UBE2E2: variants seen among roughly 807,000 people sequenced by gnomAD.
UBE2E2 encodes ubiquitin conjugating enzyme E2 E2, also known as ubiquitin-conjugating enzyme E2 E2.
A neutral mutation model predicts 24.7 loss-of-function variants in UBE2E2; 6 were observed. The ratio of observed to expected loss-of-function variants is 0.24; its 90% CI spans 0.13 to 0.48. The LOEUF (loss-of-function observed/expected upper bound fraction) is 0.48. UBE2E2 is among the 20% of genes least tolerant of loss of function. The probability of loss-of-function intolerance (pLI) is 0.99; values close to 1 mark genes in which losing one functional copy is unlikely to be tolerated. For synonymous variants in UBE2E2, 104 were observed against 83.6 expected (o/e 1.24, Z -1.33); for missense variants, 169 against 245.0 (o/e 0.69, Z 2.07).
intron 4 of UBE2E2, among the ~76,000 whole-genome samples, chr3:23,521,628 A>G (rs1694870065): frequency 6.6e-6 from 1 of 152,234 alleles, no homozygotes; most frequent in South Asian, 2.1e-4. Context: ...CTCTAGGACA[A>G]GCTCATCCAA....
At chr3:23,345,093 A>G (rs1695512307) in intron 3 of UBE2E2, among the ~76,000 whole-genome samples, 1 of 152,212 alleles carries the variant, frequency 6.6e-6, no homozygotes, top group South Asian at 2.1e-4. Context: ...ACTTATTTGC[A>G]CATTTCTAGT....
chr3:23,400,920 T>C (rs924932865), intron 3 of UBE2E2, among the ~76,000 whole-genome samples: 1 of 152,166 alleles, frequency 6.6e-6, no homozygotes, highest in Non-Finnish European at 1.5e-5. Context: ...AGTTTATGTT[T>C]GAGTTTGAAG....
intron 3 of UBE2E2, among the ~76,000 whole-genome samples, chr3:23,486,873 G>A (rs987439451): frequency 6.6e-6 from 1 of 152,242 alleles, no homozygotes; most frequent in Non-Finnish European, 1.5e-5. Context: ...CTCACTCTAA[G>A]TTGCAGACTC....
At position 23,310,409 on chromosome 3, in the gene UBE2E2, T is replaced by C. The variant is rs999849344; in HGVS notation, c.227+93097T>C. On this transcript the variant is annotated intron_variant, in intron 3 of 5. Coordinates refer to ENST00000396703, the MANE Select transcript of UBE2E2 (RefSeq NM_152653.4). ...TATAATCAGACTGACTAAACACATC[T>C]CCAAACCTTCTAATTTCTTGTTCGT... is the stretch of plus-strand genomic sequence containing the variant. 2.0e-5 allele frequency among the ~76,000 whole-genome samples: 3 copies of C among 151,806 alleles called. No individual in the cohort carries two copies. In the East Asian group the frequency reaches 5.8e-4, roughly 29 times the overall value.
chr3:23,410,803 G>T (rs1697479346), intron 3 of UBE2E2, among the ~76,000 whole-genome samples: 1 of 152,098 alleles, frequency 6.6e-6, no homozygotes, highest in Non-Finnish European at 1.5e-5. Flanking sequence ...AAGTTAACAA[G>T]CAATTCTGTC....
chr3:23,509,960 C>G (rs1298231736), intron 4 of UBE2E2, among the ~76,000 whole-genome samples: 1 of 152,096 alleles, frequency 6.6e-6, no homozygotes, highest in Non-Finnish European at 1.5e-5. Context: ...GCCACATTTT[C>G]TTAATCCAAT....
intron 5 of UBE2E2, among the ~76,000 whole-genome samples, chr3:23,582,794 C>T (rs1043010928): frequency 4.0e-5 from 6 of 150,728 alleles, no homozygotes; most frequent in Middle Eastern, 3.4e-3. Flanking sequence ...GGATATTAGA[C>T]GTTTGTTAGA....
Position 23,549,055 on chromosome 3 carries a change from C to T in UBE2E2, c.508+16354C>T, listed in dbSNP as rs181708258. Among the ~76,000 whole-genome samples the T allele has an allele frequency of 3.9e-3, 596 of 152,342 alleles. 3 individuals are homozygous for T. The highest frequency in any genetic ancestry group is 0.013 in the African/African-American group (541 of 41,588). ...TACCTACCTTCTTAATAAATGGCCT[C>T]TTTCCCCAGCTAAACTGTTTCTTTT... On this transcript the variant is annotated intron_variant, in intron 5 of 5. Coordinates refer to ENST00000396703, the MANE Select transcript of UBE2E2 (RefSeq NM_152653.4).
At chr3:23,209,780 T>C (rs1269536352) in intron 2 of UBE2E2, among the ~76,000 whole-genome samples, 1 of 152,132 alleles carries the variant, frequency 6.6e-6, no homozygotes, top group Admixed American at 6.6e-5. Context: ...GCTTAGTCAG[T>C]CTACAGGGTT....
chr3:23,393,004 T>G (rs1456027978), intron 3 of UBE2E2, among the ~76,000 whole-genome samples: 1 of 152,104 alleles, frequency 6.6e-6, no homozygotes, highest in East Asian at 1.9e-4. Context: ...GGAGGCCAAA[T>G]CTTACAGAGC....
intron 5 of UBE2E2, among the ~76,000 whole-genome samples, chr3:23,577,798 G>C (rs1238915630): frequency 6.6e-6 from 1 of 152,180 alleles, no homozygotes; most frequent in African/African-American, 2.4e-5. Flanking sequence ...AGGACAGGCT[G>C]ACTCTCTTAG....
At chr3:23,243,358 G>T (rs1697306682) in intron 3 of UBE2E2, among the ~76,000 whole-genome samples, 1 of 152,160 alleles carries the variant, frequency 6.6e-6, no homozygotes, top group South Asian at 2.1e-4. Context: ...TTCTGTAATG[G>T]CAGAGAATAG....
At position 23,236,775 on chromosome 3, in the gene UBE2E2, T is replaced by C. The variant is rs374282742; in HGVS notation, c.227+19463T>C. ...CCTAAGTGTACTCTTAAACATTTCC[T>C]GTGGATGTGTGGACCGCCTGTCTCT... On this transcript the variant is annotated intron_variant, in intron 3 of 5. Transcript: ENST00000396703. Among the ~76,000 whole-genome samples the C allele has an allele frequency of 2.6e-4, 40 of 152,272 alleles. No individual in the cohort carries two copies. In the South Asian group the frequency reaches 6.6e-3, roughly 25 times the overall value.
chr3:23,539,020 T>C (rs894165191), intron 5 of UBE2E2, among the ~76,000 whole-genome samples: 2 of 152,126 alleles, frequency 1.3e-5, no homozygotes, highest in African/African-American at 4.8e-5. Context: ...AAAGCCAAAA[T>C]TACCCCATTG....
intron 3 of UBE2E2, among the ~76,000 whole-genome samples, chr3:23,480,033 G>T (rs1487929007): frequency 6.6e-6 from 1 of 152,184 alleles, no homozygotes; most frequent in East Asian, 1.9e-4. Context: ...CCTGAAGGTG[G>T]AGTTTCACTG....
intron 3 of UBE2E2, among the ~76,000 whole-genome samples, chr3:23,258,900 G>GAAAAAAAAAAAAA (rs11333992): frequency 6.3e-5 from 5 of 78,910 alleles, no homozygotes; most frequent in Non-Finnish European, 7.2e-5. Flanking sequence ...CTCAAAAAAA[G>GAAAAAAAAAAAAA]AAAAAAAAAA....
chr3:23,526,604 C>T (rs1695004588), intron 4 of UBE2E2, among the ~76,000 whole-genome samples: 1 of 150,366 alleles, frequency 6.7e-6, no homozygotes, highest in African/African-American at 2.4e-5. Context: ...AATATGATGG[C>T]AGGACCCCCA....
At chr3:23,288,917 C>T (rs1002567969) in intron 3 of UBE2E2, among the ~76,000 whole-genome samples, 5 of 152,188 alleles carry the variant, frequency 3.3e-5, no homozygotes, top group Non-Finnish European at 7.3e-5. Context: ...CTTCACACCA[C>T]GTGGCTGCTG....
intron 3 of UBE2E2, among the ~76,000 whole-genome samples, chr3:23,369,022 T>A (rs1263579554): frequency 6.6e-6 from 1 of 152,164 alleles, no homozygotes; most frequent in Non-Finnish European, 1.5e-5. Context: ...AATTTAGATA[T>A]TTTACTGTTT....
Sources: gnomAD v4.1 joint callset for allele counts (sites outside exome capture counted in the v4.1 genomes callset) on GRCh38, gnomAD v4.1.1 for gene constraint, MANE v1.5 for transcripts, NCBI Gene and HGNC (gene_info 2026-07-23, HGNC 2026-07-21) for gene names.